TSPAN2: variants seen among roughly 807,000 people sequenced by gnomAD.
TSPAN2 encodes the protein tetraspanin 2.
Under a neutral mutation model 33.3 loss-of-function variants are expected in TSPAN2, and 24 were observed. The ratio of observed to expected loss-of-function variants is 0.72; its 90% CI spans 0.52 to 1.01. The LOEUF is 1.01. TSPAN2 is among the 50% of genes least tolerant of loss of function. The pLI is 0.00. For missense variants in TSPAN2, 278 were observed against 281.3 expected (o/e 0.99, Z 0.08); for synonymous variants, 114 against 104.5 (o/e 1.09, Z -0.56).
chr1:115,063,915 G>A (rs1355952157), intron 2 of TSPAN2, among the ~76,000 whole-genome samples: 2 of 152,148 alleles, frequency 1.3e-5, no homozygotes, highest in Non-Finnish European at 2.9e-5. Flanking sequence ...GAGGGGCACA[G>A]GTGTTGAAAA....
intron 6 of TSPAN2, among the ~76,000 whole-genome samples, chr1:115,055,937 A>T (rs1647401037): frequency 1.3e-5 from 2 of 152,198 alleles, no homozygotes; most frequent in Admixed American, 1.3e-4. Flanking sequence ...AATGAGCATG[A>T]TTTGCACAAA....
At chr1:115,073,069 G>T in intron 1 of TSPAN2, 62 bp from the exon 2 acceptor site, 1 of 1,419,654 alleles carries the variant, frequency 7.0e-7, no homozygotes. Context: ...AGATCCGAGA[G>T]CAGGCTCTAG....
At position 115,058,949 on chromosome 1, in the gene TSPAN2, C is replaced by T; in HGVS notation, c.378G>A (p.Glu126=). The stretch of plus-strand genomic sequence containing the variant: ...TGTCTTTAAGGTAATCATTGTAAGC[C>T]TCTTCATACATGGTCTGAACATGTC... ...AIRHVQTMYE[E]AYNDYLKDRG... is the part of the protein sequence containing the mutation. Residue 126 remains glutamate (E), a synonymous_variant, in exon 5 of 8, where the codon GAG becomes GAA. Transcript: ENST00000369516. 6.2e-7 allele frequency: 1 copy of T among 1,614,088 alleles called. No homozygotes were observed. Among genetic ancestry groups the T allele is most frequent in the Non-Finnish European group, 8.5e-7 (1 of 1,179,996 alleles).
Position 115,050,205 on chromosome 1 carries a change from T to C in TSPAN2, c.*285A>G, listed in dbSNP as rs980238451. On this transcript the variant is annotated 3_prime_UTR_variant, in exon 8 of 8. Coordinates refer to ENST00000369516, the MANE Select transcript of TSPAN2 (RefSeq NM_005725.6). Reference sequence around the variant, plus strand: ...GGAGCGAAATAGGTTGTTCTTCTTATATAACAAGAATCAGGAATTCCCAGC... The same window carrying C: ...GGAGCGAAATAGGTTGTTCTTCTTACATAACAAGAATCAGGAATTCCCAGC... 2.6e-6 allele frequency: 1 copy of C among 383,202 alleles called. No individual in the cohort carries two copies. The highest frequency in any genetic ancestry group is 2.2e-5 in the African/African-American group (1 of 46,502). 23.7% of individuals were successfully genotyped at this position (383,202 alleles called of 1,614,324 possible). A position where few individuals can be genotyped will look rare whatever the true frequency, so the allele number is the denominator to read the frequency against.
chr1:115,053,718 G>A (rs1418472513), intron 6 of TSPAN2, among the ~76,000 whole-genome samples: 1 of 152,212 alleles, frequency 6.6e-6, no homozygotes, highest in African/African-American at 2.4e-5. Flanking sequence ...TCGGAGCCCT[G>A]AAATATAACT....
At chr1:115,070,881 C>A (rs1024835949) in intron 2 of TSPAN2, among the ~76,000 whole-genome samples, 1 of 152,064 alleles carries the variant, frequency 6.6e-6, no homozygotes, top group African/African-American at 2.4e-5. Flanking sequence ...TACATGGGGG[C>A]GGTTACAGAA....
intron 2 of TSPAN2, among the ~76,000 whole-genome samples, chr1:115,069,505 G>A (rs1648080420): frequency 6.6e-6 from 1 of 152,220 alleles, no homozygotes; most frequent in African/African-American, 2.4e-5. Flanking sequence ...GTGGAGCCTA[G>A]AGCCACTGAC....
At chr1:115,087,334 G>T (rs546406010) in intron 1 of TSPAN2, among the ~76,000 whole-genome samples, 1 of 151,760 alleles carries the variant, frequency 6.6e-6, no homozygotes, top group African/African-American at 2.4e-5. Context: ...GAAGGTAGGC[G>T]GCCAGGCGCG....
chr1:115,050,542 A>T lies in TSPAN2; in HGVS notation c.614T>A (p.Ile205Lys), dbSNP rs755956942. The change falls in exon 8 of 8, where the codon ATA (isoleucine) becomes AAA (lysine). Residue 205 changes from isoleucine to lysine, a missense_variant. Transcript: ENST00000369516. ...GIAGLTIFGM[I>K]FSMVLCCAIR... Reference sequence around the variant, plus strand: ...CGCACAGCAGAGGACCATGCTGAATATCATGCCAAAGATCTGAAACAGAAG... The same window carrying T: ...CGCACAGCAGAGGACCATGCTGAATTTCATGCCAAAGATCTGAAACAGAAG... 3.7e-6 allele frequency: 6 copies of T among 1,614,000 alleles called. No homozygotes were observed. The South Asian group carries it at 5.5e-5, about 15-fold the overall frequency.
At chr1:115,050,930 CT>C (rs1448819905) in intron 7 of TSPAN2, among the ~76,000 whole-genome samples, 1 of 152,138 alleles carries the variant, frequency 6.6e-6, no homozygotes, top group Non-Finnish European at 1.5e-5. Context: ...TCCATAACCA[CT>C]TGTTGTTTAG....
At position 115,060,472 on chromosome 1, in the gene TSPAN2, T is replaced by C. The variant is rs1395726768; in HGVS notation, c.337A>G (p.Lys113Glu). ...VTTGVFAFIG[K>E]GVAIRHVQTM... Reference sequence around the variant, plus strand: ...TAAGTAATTTTACTTACTACCCCCTTGCCTATAAAAGCAAATACTCCAGTG... The same window carrying C: ...TAAGTAATTTTACTTACTACCCCCTCGCCTATAAAAGCAAATACTCCAGTG... Residue 113 changes from lysine (K) to glutamate (E), a missense_variant, in exon 4 of 8, where the codon AAG becomes GAG. Physicochemically the swap from Lys to Glu is moderately conservative, Grantham distance 56. Coordinates refer to ENST00000369516, the MANE Select transcript of TSPAN2 (RefSeq NM_005725.6). The C allele has an allele frequency of 6.2e-7, 1 of 1,612,712 alleles. No homozygotes were observed. The highest frequency in any genetic ancestry group is 2.2e-5 in the East Asian group (1 of 44,828).
rs1387890882 is a variant in TSPAN2, at chr1:115,050,161, C to T, written c.*329G>A. 3.6e-6 allele frequency: 1 copy of T among 274,990 alleles called. No individual in the cohort carries two copies. The highest frequency in any genetic ancestry group is 4.4e-5 in the South Asian group (1 of 22,774). The allele number at this position is 274,990 out of a possible 1,614,324, so 17.0% of individuals were successfully genotyped here. The stretch of plus-strand genomic sequence containing the variant: ...CAAGTTCTCAAAGTTTCTGAAAGCT[C>T]TTTGATCTTTTTTTTCTGGGAGCGA... On this transcript the variant is annotated 3_prime_UTR_variant, in exon 8 of 8. Coordinates refer to ENST00000369516, the MANE Select transcript of TSPAN2 (RefSeq NM_005725.6).
chr1:115,055,108 C>T (rs1278630036), intron 6 of TSPAN2, among the ~76,000 whole-genome samples: 2 of 152,184 alleles, frequency 1.3e-5, no homozygotes, highest in South Asian at 2.1e-4. Context: ...TACATTCAGC[C>T]TCTCCTTATC....
intron 2 of TSPAN2, among the ~76,000 whole-genome samples, chr1:115,068,775 T>C (rs1161670057): frequency 6.6e-6 from 1 of 152,188 alleles, no homozygotes; most frequent in Non-Finnish European, 1.5e-5. Flanking sequence ...GAGGAAAAAA[T>C]GTCAATTTCT....
chr1:115,081,712 C>A (rs374522969), intron 1 of TSPAN2, among the ~76,000 whole-genome samples: 12 of 152,216 alleles, frequency 7.9e-5, no homozygotes, highest in African/African-American at 2.9e-4. Context: ...TCATGTTACA[C>A]ACTGAGAACA....
chr1:115,053,238 A>G, intron 7 of TSPAN2, 141 bp downstream of exon 7: 3 of 694,354 alleles, frequency 4.3e-6, no homozygotes, highest in Non-Finnish European at 7.4e-6. Flanking sequence ...TGTTCTTAGA[A>G]GATGTAATAC....
At chr1:115,077,914 A>G (rs1478829841) in intron 1 of TSPAN2, among the ~76,000 whole-genome samples, 1 of 152,222 alleles carries the variant, frequency 6.6e-6, no homozygotes, top group Non-Finnish European at 1.5e-5. Flanking sequence ...CCTGGAGGTT[A>G]GCCAACCAGA....
At chr1:115,087,045 A>C (rs534121060) in intron 1 of TSPAN2, among the ~76,000 whole-genome samples, 1 of 152,020 alleles carries the variant, frequency 6.6e-6, no homozygotes, top group South Asian at 2.1e-4. Context: ...TCAGCCTCCC[A>C]AGTAGCTGGG....
intron 2 of TSPAN2, among the ~76,000 whole-genome samples, chr1:115,066,404 G>A (rs1443842005): frequency 6.6e-6 from 1 of 152,158 alleles, no homozygotes; most frequent in African/African-American, 2.4e-5. Flanking sequence ...GCCAGCATTT[G>A]CTATTCTTTC....
Sources: gnomAD v4.1 joint callset for allele counts (sites outside exome capture counted in the v4.1 genomes callset) on GRCh38, gnomAD v4.1.1 for gene constraint, MANE v1.5 for transcripts, NCBI Gene and HGNC (gene_info 2026-07-23, HGNC 2026-07-21) for gene names.